The following CDH20 variants were observed in gnomAD, a reference collection of about 807,000 sequenced individuals.
The protein encoded by CDH20 is cadherin-20.
A neutral mutation model predicts 74.2 loss-of-function variants in CDH20; 29 were observed. The ratio of observed to expected loss-of-function variants is 0.39; its 90% CI spans 0.29 to 0.53. The LOEUF (loss-of-function observed/expected upper bound fraction) is 0.53. Among genes scored for constraint, CDH20 ranks in the 20% least tolerant of loss-of-function variants. CDH20 has a pLI of 0.69. For missense variants in CDH20, 988 were observed against 1,048.3 expected (o/e 0.94, Z 0.79); for synonymous variants, 469 against 405.4 (o/e 1.16, Z -1.88).
intron 10 of CDH20, 81 bp from the exon 11 acceptor site, chr18:61,549,897 G>A: frequency 7.0e-7 from 1 of 1,430,326 alleles, no homozygotes; most frequent in Non-Finnish European, 9.7e-7. Context: ...CCTACACCCT[G>A]CCCCTGCCCC....
chr18:61,423,829 C>T (rs1412414040), intron 1 of CDH20, among the ~76,000 whole-genome samples: 1 of 152,194 alleles, frequency 6.6e-6, no homozygotes, highest in Non-Finnish European at 1.5e-5. Context: ...TTCAACGTGA[C>T]AGTGTTTTAT....
At chr18:61,413,923 G>A (rs980161862) in intron 1 of CDH20, among the ~76,000 whole-genome samples, 1 of 152,068 alleles carries the variant, frequency 6.6e-6, no homozygotes, top group Non-Finnish European at 1.5e-5. Context: ...AATGCAGTAT[G>A]CATTAAAAAA....
At chr18:61,410,013 T>C (rs923881113) in intron 1 of CDH20, among the ~76,000 whole-genome samples, 1 of 152,244 alleles carries the variant, frequency 6.6e-6, no homozygotes, top group Admixed American at 6.5e-5. Context: ...ATCTTCTTTA[T>C]GATTTTTAAA....
chr18:61,403,671 G>T (rs549435202), intron 1 of CDH20, among the ~76,000 whole-genome samples: 1 of 152,264 alleles, frequency 6.6e-6, no homozygotes, highest in Non-Finnish European at 1.5e-5. Flanking sequence ...GGTTAGAAGT[G>T]AACCACTGGG....
intron 3 of CDH20, among the ~76,000 whole-genome samples, chr18:61,499,975 G>A (rs566226471): frequency 7.3e-5 from 11 of 151,412 alleles, no homozygotes; most frequent in Admixed American, 3.9e-4. Flanking sequence ...GTGGTGGTGC[G>A]CACCTATAGT....
At chr18:61,396,597 CTT>C (rs1291229189) in intron 1 of CDH20, among the ~76,000 whole-genome samples, 1 of 152,190 alleles carries the variant, frequency 6.6e-6, no homozygotes, top group African/African-American at 2.4e-5. Flanking sequence ...TGGCTTTCAT[CTT>C]AGAGTTTGTA....
Position 61,496,080 on chromosome 18 carries a change from C to A in CDH20, c.247-3106C>A, listed in dbSNP as rs890616080. Among the ~76,000 whole-genome samples, 6 of 12,570 alleles carry A rather than the reference C, an allele frequency of 4.8e-4. 1 individual carries two copies. Among genetic ancestry groups the A allele is most frequent in the African/African-American group, 2.5e-3 (6 of 2,434 alleles). 8.2% of individuals were successfully genotyped at this position (12,570 alleles called of 152,430 possible). A position where few individuals can be genotyped will look rare whatever the true frequency, so the allele number is the denominator to read the frequency against. On this transcript the variant is annotated intron_variant, in intron 2 of 11. Transcript: ENST00000262717. ...CCTCTCTCCTCCCTTCCTCTCCCCC[C>A]TCTCTCCTCCCTTCCTCTCTCCTTC...
chr18:61,511,347 T>C (rs1021545446), intron 6 of CDH20, among the ~76,000 whole-genome samples: 1 of 148,844 alleles, frequency 6.7e-6, no homozygotes, highest in African/African-American at 2.6e-5. Flanking sequence ...TTTGTTGTTG[T>C]TGTTTTGTTT....
Position 61,554,269 on chromosome 18 carries a change from G to A in CDH20, c.1980G>A (p.Glu660=), listed in dbSNP as rs979747963. The part of the protein sequence containing the change: ...YIIDDEENIH[E]NIVRYDDEGG... The stretch of plus-strand genomic sequence containing the variant: ...TCGACGACGAGGAAAACATCCACGA[G>A]AACATCGTCCGCTACGACGACGAGG... The change falls in exon 12 of 12, where the codon GAG becomes GAA. Residue 660 remains glutamate (E), a synonymous_variant. Transcript: ENST00000262717. 7.4e-6 allele frequency: 12 copies of A among 1,613,952 alleles called. No homozygotes were observed. Among genetic ancestry groups the A allele is most frequent in the Non-Finnish European group, 9.3e-6 (11 of 1,180,026 alleles).
chr18:61,456,943 G>C (rs1047615907), intron 1 of CDH20, among the ~76,000 whole-genome samples: 2 of 152,026 alleles, frequency 1.3e-5, no homozygotes, highest in East Asian at 1.9e-4. Flanking sequence ...ATTTCTTAAG[G>C]CTCCACCTTT....
At chr18:61,463,279 T>G (rs1909849717) in intron 1 of CDH20, among the ~76,000 whole-genome samples, 1 of 152,172 alleles carries the variant, frequency 6.6e-6, no homozygotes. Context: ...CATCCCGGTA[T>G]CATCCTCAAG....
chr18:61,510,087 G>A (rs561720535), intron 6 of CDH20, among the ~76,000 whole-genome samples: 141 of 152,250 alleles, frequency 9.3e-4, no homozygotes, highest in African/African-American at 3.3e-3. Flanking sequence ...TTATAAGAGC[G>A]AGGAGTTTGT....
intron 1 of CDH20, among the ~76,000 whole-genome samples, chr18:61,361,549 A>G (rs1041918748): frequency 7.2e-5 from 11 of 152,156 alleles, no homozygotes; most frequent in African/African-American, 2.7e-4. Flanking sequence ...TTAAAAATGC[A>G]TCTCTTTGCT....
At chr18:61,384,632 T>C (rs1367504239) in intron 1 of CDH20, among the ~76,000 whole-genome samples, 1 of 152,190 alleles carries the variant, frequency 6.6e-6, no homozygotes, top group Non-Finnish European at 1.5e-5. Context: ...TGATTTTATT[T>C]CCTTACAGAA....
intron 1 of CDH20, among the ~76,000 whole-genome samples, chr18:61,386,971 A>AG (rs1400411199): frequency 6.6e-6 from 1 of 152,190 alleles, no homozygotes; most frequent in Non-Finnish European, 1.5e-5. Flanking sequence ...CATTTTACAA[A>AG]GTTTTCTACA....
chr18:61,519,736 G>T (rs1328277752), intron 6 of CDH20, among the ~76,000 whole-genome samples: 8 of 150,954 alleles, frequency 5.3e-5, no homozygotes, highest in African/African-American at 7.4e-5. Context: ...TAACCAGCTG[G>T]CATCATAATG....
At chr18:61,543,351 C>T (rs1322141036) in intron 9 of CDH20, among the ~76,000 whole-genome samples, 1 of 152,156 alleles carries the variant, frequency 6.6e-6, no homozygotes, top group African/African-American at 2.4e-5. Context: ...GGCAAGTCTA[C>T]AGGGCTGGGC....
At chr18:61,359,645 G>A (rs1910622603) in intron 1 of CDH20, among the ~76,000 whole-genome samples, 1 of 152,158 alleles carries the variant, frequency 6.6e-6, no homozygotes, top group Non-Finnish European at 1.5e-5. Flanking sequence ...AAAAAAGAAA[G>A]TTATCAAGTT....
intron 6 of CDH20, among the ~76,000 whole-genome samples, chr18:61,511,896 TA>T (rs1305543775): frequency 1.3e-5 from 2 of 152,188 alleles, no homozygotes; most frequent in Non-Finnish European, 2.9e-5. Context: ...AAAATGGAAT[TA>T]AGAAAAAGGT....
Sources: allele counts gnomAD v4.1 joint callset (sites outside exome capture counted in the v4.1 genomes callset), GRCh38; gene constraint gnomAD v4.1.1; transcripts MANE v1.5; gene names NCBI Gene and HGNC (gene_info 2026-07-23, HGNC 2026-07-21).